The following TOR1AIP2 variants were observed in gnomAD, a reference collection of about 807,000 sequenced individuals.
TOR1AIP2 encodes the protein torsin 1A interacting protein 2, also known as torsin-1A-interacting protein 2.
Under a neutral mutation model 32.6 loss-of-function variants are expected in TOR1AIP2, and 20 were observed. The observed-to-expected ratio is 0.61, with a 90% CI of 0.43 to 0.89. The LOEUF (loss-of-function observed/expected upper bound fraction) is 0.89. Among genes scored for constraint, TOR1AIP2 ranks in the 40% least tolerant of loss-of-function variants. The pLI is 0.00. For missense variants in TOR1AIP2, 456 were observed against 553.8 expected, an observed-to-expected ratio of 0.82 and a Z score of 1.77; for synonymous variants, 214 against 210.8, an observed-to-expected ratio of 1.02 and a Z score of -0.13.
chr1:179,847,196 T>G (rs1159621350), intron 6 of TOR1AIP2, among the ~76,000 whole-genome samples: 2 of 152,228 alleles, frequency 1.3e-5, no homozygotes, highest in African/African-American at 2.4e-5. Flanking sequence ...ACCTACTACC[T>G]ATAGCCGACC....
intron 3 of TOR1AIP2, among the ~76,000 whole-genome samples, chr1:179,858,586 A>G (rs966057329): frequency 4.6e-5 from 7 of 152,218 alleles, no homozygotes; most frequent in Non-Finnish European, 8.8e-5. Context: ...AGTCTCTGTA[A>G]AAAAAAATTA....
Position 179,845,243 on chromosome 1 carries a change from C to G in TOR1AIP2, c.*828G>C, listed in dbSNP as rs1045321390. ...GTTCCAATGAAATCTCATAGAGAAC[C>G]CCAACATATAAAACAGTTAAAAGCA... On this transcript the variant is annotated 3_prime_UTR_variant, in exon 7 of 7. Coordinates refer to ENST00000609928, the MANE Select transcript of TOR1AIP2 (RefSeq NM_001199260.2). The G allele has an allele frequency of 6.6e-6, 1 of 151,932 alleles. No homozygotes were observed. The highest frequency in any genetic ancestry group is 1.5e-5 in the Non-Finnish European group (1 of 68,008). 9.4% of individuals were successfully genotyped at this position (151,932 alleles called of 1,614,324 possible).
chr1:179,866,493 A>G (rs902093424), intron 2 of TOR1AIP2, among the ~76,000 whole-genome samples: 34 of 152,130 alleles, frequency 2.2e-4, no homozygotes, highest in Non-Finnish European at 4.6e-4. Context: ...GCTTACTGCA[A>G]TCTCCGCCTC....
rs1695719540 is a variant in TOR1AIP2, at chr1:179,841,617, AAAACAAAAAGAAAGT to A, written c.*4439_*4453del. 6.6e-6 allele frequency: 1 copy of A among 152,216 alleles called. No homozygotes were observed. The highest frequency in any genetic ancestry group is 1.5e-5 in the Non-Finnish European group (1 of 68,034). 9.4% of individuals were successfully genotyped at this position (152,216 alleles called of 1,614,324 possible). On this transcript the variant is annotated 3_prime_UTR_variant, in exon 7 of 7. Coordinates refer to ENST00000609928, the MANE Select transcript of TOR1AIP2 (RefSeq NM_001199260.2). ...GGTGACAGAGTGAGACCCTGTCTTT[AAAACAAAAAGAAAGT>A]ACTTCTCTGCAAGTAAATTTTATGG...
chr1:179,870,996 AT>A lies in TOR1AIP2; in HGVS notation c.-565-5143del, dbSNP rs575011526. Among the ~76,000 whole-genome samples the A allele has an allele frequency of 2.7e-3, 415 of 152,360 alleles. 1 individual carries two copies. The highest frequency in any genetic ancestry group is 5.8e-3 in the South Asian group (28 of 4,832). ...GTACTATGGATACAGAAAGAAAATC[AT>A]TCAGGACTTCTAGATGTCTAGGGAA... On this transcript the variant is annotated intron_variant, in intron 2 of 6. Coordinates refer to ENST00000609928, the MANE Select transcript of TOR1AIP2 (RefSeq NM_001199260.2).
rs1259616598 is a variant in TOR1AIP2, at chr1:179,842,190, GAAACTCTGTCTCAAAAA to G, written c.*3864_*3880del. On this transcript the variant is annotated 3_prime_UTR_variant, in exon 7 of 7. Coordinates refer to ENST00000609928, the MANE Select transcript of TOR1AIP2 (RefSeq NM_001199260.2). ...GCACCCCAGCCTGGATAACAAGAGTGAAACTCTGTCTCAAAAAAAAAAAAAGGCTGTTAAAGGGTCAA... is the reference window on the plus strand; with the variant it reads ...GCACCCCAGCCTGGATAACAAGAGTGAAAAAAAAGGCTGTTAAAGGGTCAA... 6.8e-6 allele frequency: 1 copy of G among 147,820 alleles called. No homozygotes were observed. The highest frequency in any genetic ancestry group is 1.5e-5 in the Non-Finnish European group (1 of 67,238). The allele number at this position is 147,820 out of a possible 1,614,324, so 9.2% of individuals were successfully genotyped here.
chr1:179,861,020 T>C (rs957292272), intron 3 of TOR1AIP2: 14 of 985,310 alleles, frequency 1.4e-5, no homozygotes, highest in African/African-American at 1.7e-5. Flanking sequence ...ACCTCTTTGG[T>C]GGATGTATTT....
At position 179,852,018 on chromosome 1, in the gene TOR1AIP2, T is replaced by C. The variant is rs544164415; in HGVS notation, c.34+614A>G. Reference sequence around the variant, plus strand: ...AAGAATGGCCAGATGTGGTGGCTCATGCATGTAATCCCAGCACTTTGGGAG... The same window carrying C: ...AAGAATGGCCAGATGTGGTGGCTCACGCATGTAATCCCAGCACTTTGGGAG... On this transcript the variant is annotated intron_variant, in intron 4 of 6. Coordinates refer to ENST00000609928, the MANE Select transcript of TOR1AIP2 (RefSeq NM_001199260.2). Among the ~76,000 whole-genome samples, 12 of 152,312 alleles carry C rather than the reference T, an allele frequency of 7.9e-5. No individual in the cohort carries two copies. The East Asian group carries it at 2.1e-3, about 27-fold the overall frequency.
At chr1:179,853,802 T>C (rs536551157) in intron 3 of TOR1AIP2, among the ~76,000 whole-genome samples, 3 of 152,314 alleles carry the variant, frequency 2.0e-5, no homozygotes, top group Admixed American at 1.3e-4. Context: ...TAAATGAATG[T>C]ATAAATAAAG....
At chr1:179,848,979 A>T (rs1280398617) in intron 5 of TOR1AIP2, among the ~76,000 whole-genome samples, 1 of 151,940 alleles carries the variant, frequency 6.6e-6, no homozygotes, top group Admixed American at 6.6e-5. Flanking sequence ...AAATACAAAA[A>T]AAAAAAATTA....
chr1:179,872,454 C>A (rs921848975), intron 2 of TOR1AIP2, among the ~76,000 whole-genome samples: 12 of 152,218 alleles, frequency 7.9e-5, no homozygotes, highest in African/African-American at 2.9e-4. Flanking sequence ...TGTACCATAT[C>A]CACTGTCATA....
rs944485047 is a variant in TOR1AIP2, at chr1:179,865,528, G to A, written c.-239C>T. ...TAAATTAGTTATATTTTTCTTATGC[G>A]TCATCAGCTGCTGGTGGTGTCACAC... On this transcript the variant is annotated 5_prime_UTR_variant, in exon 3 of 7. The change creates a new upstream start codon in the 5' untranslated region. Coordinates refer to ENST00000609928, the MANE Select transcript of TOR1AIP2 (RefSeq NM_001199260.2). The A allele has an allele frequency of 2.6e-5, 5 of 189,738 alleles. 1 individual carries two copies. The South Asian group carries it at 8.1e-4, about 31-fold the overall frequency. 11.8% of individuals were successfully genotyped at this position (189,738 alleles called of 1,614,324 possible).
intron 3 of TOR1AIP2, among the ~76,000 whole-genome samples, chr1:179,855,521 A>C (rs2148434359): frequency 6.6e-6 from 1 of 152,360 alleles, no homozygotes; most frequent in African/African-American, 2.4e-5. Flanking sequence ...ACACCAGCAG[A>C]CTGGTAAAAA....
intron 5 of TOR1AIP2, among the ~76,000 whole-genome samples, chr1:179,849,159 T>C (rs1696028297): frequency 6.6e-6 from 1 of 151,994 alleles, no homozygotes; most frequent in South Asian, 2.1e-4. Flanking sequence ...AAAAGAGATA[T>C]AGCTAAGTTG....
At chr1:179,853,962 A>AT (rs1238045712) in intron 3 of TOR1AIP2, among the ~76,000 whole-genome samples, 2 of 152,304 alleles carry the variant, frequency 1.3e-5, no homozygotes, top group East Asian at 3.9e-4. Context: ...TCAAGCCATC[A>AT]TATGTTGGAA....
At chr1:179,857,982 T>C (rs533005876) in intron 3 of TOR1AIP2, among the ~76,000 whole-genome samples, 1 of 152,068 alleles carries the variant, frequency 6.6e-6, no homozygotes, top group Admixed American at 6.6e-5. Context: ...AATGAGATGA[T>C]GTCTCTACAA....
At chr1:179,852,920 TG>T (rs1308317390) in intron 3 of TOR1AIP2, 109 bp from the exon 4 acceptor site, 92 of 822,468 alleles carry the variant, frequency 1.1e-4, no homozygotes, top group Non-Finnish European at 1.4e-4. Flanking sequence ...ATTTCCTCTG[TG>T]AAACTTTTTT....
rs34017528 is a variant in TOR1AIP2 at position 179,864,817 on chromosome 1, A to G, written c.-147+619T>C. ...GGCCCAGTTTTTTGTTTAAGGTTTT[A>G]TCTGTTCTGGTCAAGATTAACTGTA... On this transcript the variant is annotated intron_variant, in intron 3 of 6. Transcript: ENST00000609928. The G allele has an allele frequency of 5.3e-4, 858 of 1,611,348 alleles. 7 individuals carry two copies. The African/African-American group carries it at 0.01, about 20-fold the overall frequency.
At chr1:179,864,785 T>C in intron 3 of TOR1AIP2, 5 of 1,592,834 alleles carry the variant, frequency 3.1e-6, no homozygotes, top group Non-Finnish European at 4.3e-6. Context: ...TAGAAGCTAT[T>C]TGTTTTGGCC....
Sources: allele counts gnomAD v4.1 joint callset (sites outside exome capture counted in the v4.1 genomes callset), GRCh38; gene constraint gnomAD v4.1.1; transcripts MANE v1.5; gene names NCBI Gene and HGNC (gene_info 2026-07-23, HGNC 2026-07-21).